UBE2R2: variants seen among roughly 807,000 people sequenced by gnomAD.
The protein encoded by UBE2R2 is ubiquitin conjugating enzyme E2 R2.
In UBE2R2, 1 loss-of-function variant was observed where a neutral mutation model predicts 27.8. The observed-to-expected ratio is 0.04, with a 90% CI of 0.01 to 0.17. UBE2R2 has a LOEUF of 0.17. Among genes scored for constraint, UBE2R2 ranks in the 10% least tolerant of loss-of-function variants. The pLI, the probability that UBE2R2 is intolerant of heterozygous loss-of-function variation, is 1.00. For synonymous variants in UBE2R2, 106 were observed against 113.3 expected, an observed-to-expected ratio of 0.94 and a Z score of 0.41; for missense variants, 100 against 291.0, an observed-to-expected ratio of 0.34 and a Z score of 4.78.
At chr9:33,904,279 T>C (rs1822305127) in intron 3 of UBE2R2, among the ~76,000 whole-genome samples, 1 of 152,188 alleles carries the variant, frequency 6.6e-6, no homozygotes, top group Non-Finnish European at 1.5e-5. Flanking sequence ...GCAACTATTT[T>C]CCTTCTTGTA....
At chr9:33,885,908 A>G (rs1821842732) in intron 1 of UBE2R2, among the ~76,000 whole-genome samples, 1 of 152,214 alleles carries the variant, frequency 6.6e-6, no homozygotes, top group Non-Finnish European at 1.5e-5. Context: ...CAGGATTTGT[A>G]ACAGCAAAGG....
chr9:33,851,267 A>T (rs1296966560), intron 1 of UBE2R2, among the ~76,000 whole-genome samples: 2 of 152,226 alleles, frequency 1.3e-5, no homozygotes, highest in Non-Finnish European at 2.9e-5. Flanking sequence ...TAGTTTCACC[A>T]TTCCTCTGAA....
At chr9:33,857,097 G>C (rs1052290016) in intron 1 of UBE2R2, among the ~76,000 whole-genome samples, 1 of 151,412 alleles carries the variant, frequency 6.6e-6, no homozygotes, top group Non-Finnish European at 1.5e-5. Context: ...GGATTTTGCT[G>C]TGTTGGCAGG....
intron 1 of UBE2R2, among the ~76,000 whole-genome samples, chr9:33,838,946 G>A (rs1476236659): frequency 6.6e-6 from 1 of 151,976 alleles, no homozygotes; most frequent in Non-Finnish European, 1.5e-5. Context: ...GCCGAGCATG[G>A]TGGAGCGCAC....
chr9:33,843,030 A>AC (rs1360832519), intron 1 of UBE2R2, among the ~76,000 whole-genome samples: 4 of 148,334 alleles, frequency 2.7e-5, no homozygotes, highest in African/African-American at 9.9e-5. Flanking sequence ...ACAAAAAAAA[A>AC]AAAACAGACC....
intron 1 of UBE2R2, among the ~76,000 whole-genome samples, chr9:33,837,342 G>A (rs759197501): frequency 3.4e-4 from 51 of 149,622 alleles, no homozygotes; most frequent in South Asian, 6.4e-4. Context: ...TCTCAGCCCC[G>A]ACCATGCACA....
At chr9:33,867,933 C>T (rs1587456931) in intron 1 of UBE2R2, among the ~76,000 whole-genome samples, 1 of 152,172 alleles carries the variant, frequency 6.6e-6, no homozygotes. Flanking sequence ...GTGCCAGCCA[C>T]CTCAGTGGAG....
intron 1 of UBE2R2, among the ~76,000 whole-genome samples, chr9:33,867,888 C>T (rs1821398707): frequency 3.3e-5 from 5 of 152,164 alleles, no homozygotes; most frequent in Admixed American, 2.0e-4. Context: ...CACGATACTC[C>T]AGCCTGGGTA....
chr9:33,849,690 T>TAAAAAAAAAAAA (rs71506141), intron 1 of UBE2R2, among the ~76,000 whole-genome samples: 1 of 139,438 alleles, frequency 7.2e-6, no homozygotes. Flanking sequence ...CATCTCTACT[T>TAAAAAAAAAAAA]AAAAAAAAAA....
At chr9:33,860,121 A>T (rs1158759956) in intron 1 of UBE2R2, among the ~76,000 whole-genome samples, 2 of 147,842 alleles carry the variant, frequency 1.4e-5, no homozygotes, top group Admixed American at 6.7e-5. Context: ...TTTTTTTTTA[A>T]AAAAATAGCA....
At chr9:33,826,583 A>G (rs535059265) in intron 1 of UBE2R2, among the ~76,000 whole-genome samples, 7 of 151,962 alleles carry the variant, frequency 4.6e-5, no homozygotes, top group Non-Finnish European at 2.9e-5. Context: ...CTGTAGTTCC[A>G]GCTACCCGGG....
chr9:33,861,913 G>A (rs1242514147), intron 1 of UBE2R2, among the ~76,000 whole-genome samples: 1 of 147,318 alleles, frequency 6.8e-6, no homozygotes, highest in Admixed American at 6.9e-5. Flanking sequence ...GAGTGCAGTG[G>A]CACGATCTTG....
At chr9:33,858,152 G>A (rs1049286839) in intron 1 of UBE2R2, among the ~76,000 whole-genome samples, 4 of 152,156 alleles carry the variant, frequency 2.6e-5, no homozygotes, top group African/African-American at 4.8e-5. Context: ...ACTGGATGAT[G>A]TAAATAACAA....
intron 1 of UBE2R2, among the ~76,000 whole-genome samples, chr9:33,841,146 G>T (rs974081064): frequency 6.6e-6 from 1 of 150,606 alleles, no homozygotes; most frequent in Non-Finnish European, 1.5e-5. Context: ...GCAGTGGTGC[G>T]ATCTCGGCTC....
chr9:33,815,998 TG>T (rs1470721923), upstream of UBE2R2, among the ~76,000 whole-genome samples: 3 of 151,966 alleles, frequency 2.0e-5, no homozygotes, highest in Non-Finnish European at 2.9e-5. Context: ...CGCTTGAACC[TG>T]GGAGGCGGAG....
intron 1 of UBE2R2, among the ~76,000 whole-genome samples, chr9:33,850,293 T>C (rs913711856): frequency 2.0e-5 from 3 of 152,102 alleles, no homozygotes; most frequent in Non-Finnish European, 2.9e-5. Flanking sequence ...AAAAATCAAG[T>C]CAGAATTTCT....
rs1413515806 is a variant in UBE2R2 at position 33,918,043 on chromosome 9, AGT to A, written c.*808_*809del. Reference sequence around the variant, plus strand: ...AAGGCAGGGTTATTTCCCCCCAGGGAGTGGGGCAAGCGGGGAAGTTGGGATGA... The same window carrying A: ...AAGGCAGGGTTATTTCCCCCCAGGGAGGGGCAAGCGGGGAAGTTGGGATGA... On this transcript the variant is annotated 3_prime_UTR_variant, in exon 5 of 5. Transcript: ENST00000263228. 6.5e-6 allele frequency: 1 copy of A among 153,590 alleles called. No individual in the cohort carries two copies. Among genetic ancestry groups the A allele is most frequent in the Non-Finnish European group, 1.5e-5 (1 of 68,018 alleles). The allele number at this position is 153,590 out of a possible 1,614,324, so 9.5% of individuals were successfully genotyped here.
intron 1 of UBE2R2, among the ~76,000 whole-genome samples, chr9:33,830,559 G>T (rs1326292066): frequency 1.3e-5 from 2 of 149,906 alleles, no homozygotes; most frequent in Non-Finnish European, 3.0e-5. Context: ...CTGAGGTCAG[G>T]AGTTCGAGAC....
chr9:33,864,900 T>C lies in UBE2R2; in HGVS notation c.178-21981T>C, dbSNP rs538211159. On this transcript the variant is annotated intron_variant, in intron 1 of 4. Coordinates refer to ENST00000263228, the MANE Select transcript of UBE2R2 (RefSeq NM_017811.4). ...CCACCACACCCGACTAATTTTTGTA[T>C]TTTTAGTAGAGATAGGGTTTCGCTG... Among the ~76,000 whole-genome samples, 63 of 151,968 alleles carry C rather than the reference T, an allele frequency of 4.1e-4. 1 individual carries two copies. Among genetic ancestry groups the C allele is most frequent in the African/African-American group, 1.5e-3 (61 of 41,442 alleles).
Sources: allele counts gnomAD v4.1 joint callset (sites outside exome capture counted in the v4.1 genomes callset), GRCh38; gene constraint gnomAD v4.1.1; transcripts MANE v1.5; gene names NCBI Gene and HGNC (gene_info 2026-07-23, HGNC 2026-07-21).